LMBR1: variants seen among roughly 807,000 people sequenced by gnomAD.
LMBR1 encodes limb region 1 protein homolog.
A neutral mutation model predicts 73.9 loss-of-function variants in LMBR1; 52 were observed. The observed-to-expected ratio is 0.70, with a 90% confidence interval of 0.56 to 0.89. The LOEUF is 0.89. LMBR1 is among the 40% of genes least tolerant of loss of function. The pLI, the probability that LMBR1 is intolerant of heterozygous loss-of-function variation, is 0.00. For synonymous variants in LMBR1, 215 were observed against 209.4 expected (o/e 1.03, Z -0.23); for missense variants, 539 against 579.8 (o/e 0.93, Z 0.72).
chr7:156,825,876 C>A (rs1246535306), intron 4 of LMBR1, among the ~76,000 whole-genome samples: 1 of 152,200 alleles, frequency 6.6e-6, no homozygotes, highest in East Asian at 1.9e-4. Flanking sequence ...AAGCAATACA[C>A]CATGATATCT....
At chr7:156,706,494 A>G (rs1016565907) in intron 15 of LMBR1, among the ~76,000 whole-genome samples, 4 of 152,236 alleles carry the variant, frequency 2.6e-5, no homozygotes, top group Non-Finnish European at 5.9e-5. Flanking sequence ...ACCATATGTT[A>G]AAACACAAAA....
intron 4 of LMBR1, among the ~76,000 whole-genome samples, chr7:156,671,249 A>C (rs1211921708): frequency 1.3e-5 from 2 of 152,224 alleles, no homozygotes; most frequent in African/African-American, 4.8e-5. Context: ...GTCAGTAACA[A>C]CACAAAGCGG....
chr7:156,837,343 A>G (rs1216536744), intron 1 of LMBR1, among the ~76,000 whole-genome samples: 1 of 151,778 alleles, frequency 6.6e-6, no homozygotes, highest in African/African-American at 2.4e-5. Flanking sequence ...CTCAAAAAAA[A>G]AAAAAAAAGT....
chr7:156,864,859 G>A (rs962754164), intron 1 of LMBR1, among the ~76,000 whole-genome samples: 3 of 152,004 alleles, frequency 2.0e-5, no homozygotes, highest in Admixed American at 6.6e-5. Context: ...AGCCAGGCAC[G>A]GTGGTGGGTG....
chr7:156,862,982 T>C (rs931680300), intron 1 of LMBR1, among the ~76,000 whole-genome samples: 2 of 152,184 alleles, frequency 1.3e-5, no homozygotes, highest in Non-Finnish European at 2.9e-5. Flanking sequence ...GTCTCCATAA[T>C]CACGGAGCCA....
At chr7:156,783,045 C>T (rs1369389126) in intron 5 of LMBR1, among the ~76,000 whole-genome samples, 1 of 152,182 alleles carries the variant, frequency 6.6e-6, no homozygotes, top group East Asian at 1.9e-4. Context: ...GCTTTCTGCA[C>T]TTCCATTAAA....
At chr7:156,844,097 G>A (rs1467261946) in intron 1 of LMBR1, among the ~76,000 whole-genome samples, 1 of 152,020 alleles carries the variant, frequency 6.6e-6, no homozygotes, top group East Asian at 1.9e-4. Context: ...GGCCGAGGTG[G>A]GTGGATCACC....
chr7:156,750,523 G>T (rs74807353), intron 9 of LMBR1, among the ~76,000 whole-genome samples: 1 of 152,096 alleles, frequency 6.6e-6, no homozygotes, highest in Non-Finnish European at 1.5e-5. Flanking sequence ...GCCTCTCAAC[G>T]TTGGTGTGTC....
At chr7:156,776,148 T>C (rs908231475) in intron 5 of LMBR1, among the ~76,000 whole-genome samples, 4 of 150,724 alleles carry the variant, frequency 2.7e-5, no homozygotes, top group Non-Finnish European at 5.9e-5. Flanking sequence ...TAGGACAATA[T>C]CTGGTTCTTA....
chr7:156,748,822 A>C (rs372135161), intron 9 of LMBR1, among the ~76,000 whole-genome samples: 60 of 152,100 alleles, frequency 3.9e-4, no homozygotes, highest in South Asian at 6.2e-4. Context: ...AACTCTCTCT[A>C]TATATATATT....
At position 156,725,801 on chromosome 7, in the gene LMBR1, CA is replaced by C; in HGVS notation, c.1029del (p.Phe343LeufsTer12). ...ATTTCAAGCGCAGCTCCCACAAAAC[CA>C]AACGTAGAAAGAGAGGCATTTCCTA... ...PGIGNASLST[F>X]GFVGAALEII... On this transcript the variant is annotated frameshift_variant, in exon 13 of 17. Coordinates refer to ENST00000353442, the MANE Select transcript of LMBR1 (RefSeq NM_022458.4). LOFTEE classifies it high-confidence loss of function. 2 of 1,613,514 alleles carry C rather than the reference CA, an allele frequency of 1.2e-6. No homozygotes were observed. The highest frequency in any genetic ancestry group is 1.7e-6 in the Non-Finnish European group (2 of 1,179,698).
rs1815194473 is a variant in LMBR1, at chr7:156,724,097, C to T, written c.1225+15G>A. The T allele has an allele frequency of 6.3e-7, 1 of 1,596,004 alleles. No individual in the cohort carries two copies. Among genetic ancestry groups the T allele is most frequent in the African/African-American group, 1.3e-5 (1 of 74,272 alleles). On this transcript the variant is annotated intron_variant, in intron 15 of 16. Transcript: ENST00000353442. ...AACATGGATCTTTAAGTGAAAATTT[C>T]TCACTGAAACTTACCCAGTGTTCTC... is the stretch of plus-strand genomic sequence containing the variant.
intron 10 of LMBR1, among the ~76,000 whole-genome samples, chr7:156,730,201 A>G (rs1816581488): frequency 6.6e-6 from 1 of 152,242 alleles, no homozygotes; most frequent in Non-Finnish European, 1.5e-5. Context: ...AAAAGGGCAA[A>G]GAAGTGAACC....
At chr7:156,888,485 G>T (rs1168383064) in intron 1 of LMBR1, among the ~76,000 whole-genome samples, 1 of 151,748 alleles carries the variant, frequency 6.6e-6, no homozygotes, top group Non-Finnish European at 1.5e-5. Context: ...TGAAAGCAGG[G>T]ACTCTAATAG....
intron 15 of LMBR1, among the ~76,000 whole-genome samples, chr7:156,698,211 C>G (rs915630919): frequency 1.3e-5 from 2 of 152,222 alleles, no homozygotes; most frequent in African/African-American, 4.8e-5. Flanking sequence ...TCTTGGGCAG[C>G]TCCACCCCTG....
chr7:156,806,150 T>C (rs182095088), intron 4 of LMBR1, among the ~76,000 whole-genome samples: 5 of 150,130 alleles, frequency 3.3e-5, no homozygotes, highest in African/African-American at 1.2e-4. Context: ...CCACTTATTG[T>C]GGTACTCTTT....
At chr7:156,806,230 G>T (rs1832046552) in intron 4 of LMBR1, among the ~76,000 whole-genome samples, 1 of 152,054 alleles carries the variant, frequency 6.6e-6, no homozygotes, top group Non-Finnish European at 1.5e-5. Flanking sequence ...TCGTATTTTT[G>T]ATGCTATTGC....
chr7:156,674,976 C>G (rs60405374), downstream of LMBR1, among the ~76,000 whole-genome samples: 2,087 of 152,206 alleles, frequency 0.014, 38 homozygotes, highest in African/African-American at 0.047. Flanking sequence ...AACAATATAC[C>G]CTTTTCCCCT....
At chr7:156,675,883 T>A, downstream of LMBR1, 1 of 1,607,110 alleles carries the variant, frequency 6.2e-7, no homozygotes, top group Non-Finnish European at 8.5e-7. Context: ...GCTGGCAGCC[T>A]GGCAACCAGC....
Sources: allele counts gnomAD v4.1 joint callset (sites outside exome capture counted in the v4.1 genomes callset), GRCh38; gene constraint gnomAD v4.1.1; transcripts MANE v1.5; gene names NCBI Gene and HGNC (gene_info 2026-07-23, HGNC 2026-07-21).